CFAP54: variants seen among roughly 807,000 people sequenced by gnomAD.
CFAP54 encodes cilia and flagella associated protein 54.
In CFAP54, 290 loss-of-function variants were observed where a neutral mutation model predicts 370.4. That is an observed-to-expected ratio of 0.78 (90% CI 0.71 to 0.86). The LOEUF (loss-of-function observed/expected upper bound fraction) is 0.86. Among genes scored for constraint, CFAP54 ranks in the 40% least tolerant of loss-of-function variants. CFAP54 has a pLI of 0.00. For missense variants in CFAP54, 3,399 were observed against 3,528.7 expected, an observed-to-expected ratio of 0.96 and a Z score of 0.93; for synonymous variants, 1,206 against 1,236.5, an observed-to-expected ratio of 0.98 and a Z score of 0.52.
intron 3 of CFAP54, among the ~76,000 whole-genome samples, chr12:96,506,305 T>A (rs548201404): frequency 7.0e-6 from 1 of 142,238 alleles, no homozygotes; most frequent in African/African-American, 2.6e-5. Context: ...GCCACTGCAC[T>A]CCAACCTGGG....
At position 96,855,509 on chromosome 12, in the gene CFAP54, C is replaced by T. The variant is rs113879376; in HGVS notation, c.9172-5310C>T. On this transcript the variant is annotated intron_variant, in intron 66 of 67. Coordinates refer to ENST00000524981, the MANE Select transcript of CFAP54 (RefSeq NM_001306084.2). ...GGTACAGACACTGGATAAATACACC[C>T]ATTCCAAATGGGAGAAATTGGCCAA... 9.3e-3 allele frequency among the ~76,000 whole-genome samples: 1,414 copies of T among 152,300 alleles called. 12 individuals are homozygous for T. Among genetic ancestry groups the T allele is most frequent in the Middle Eastern group, 0.02 (6 of 294 alleles).
chr12:96,783,345 A>G (rs1958598088), intron 60 of CFAP54, among the ~76,000 whole-genome samples: 1 of 152,230 alleles, frequency 6.6e-6, no homozygotes, highest in East Asian at 1.9e-4. Context: ...GATTCATCTT[A>G]TTCAAGAAAA....
intron 66 of CFAP54, among the ~76,000 whole-genome samples, chr12:96,836,293 G>T (rs1252948200): frequency 6.6e-6 from 1 of 152,150 alleles, no homozygotes; most frequent in Non-Finnish European, 1.5e-5. Flanking sequence ...GAGTGTGATG[G>T]GTGAGGAAGC....
chr12:96,798,709 T>A (rs1316888628), intron 63 of CFAP54, among the ~76,000 whole-genome samples: 1 of 152,218 alleles, frequency 6.6e-6, no homozygotes, highest in Non-Finnish European at 1.5e-5. Flanking sequence ...TAGAGATAAC[T>A]ATAAACTCCT....
At chr12:96,539,063 G>GTT (rs1565889464) in intron 13 of CFAP54, among the ~76,000 whole-genome samples, 49 of 102,346 alleles carry the variant, frequency 4.8e-4, no homozygotes, top group African/African-American at 1.7e-3. Context: ...GGCCTTTTCA[G>GTT]GTTTTTTTTT....
chr12:96,725,296 T>A (rs574702921), intron 50 of CFAP54, among the ~76,000 whole-genome samples: 14 of 151,856 alleles, frequency 9.2e-5, no homozygotes, highest in African/African-American at 3.4e-4. Flanking sequence ...TATTGATTCT[T>A]CCTACCCATG....
rs1350135927 is a variant in CFAP54 at position 96,706,790 on chromosome 12, G to A, written c.6529-1818G>A. On this transcript the variant is annotated intron_variant, in intron 47 of 67. Transcript: ENST00000524981. ...CAAAGCACTTACATTGTGTGTGTAT[G>A]TGTGTGTGTGTGTGTGTTTGTGTGC... Among the ~76,000 whole-genome samples, 94 of 149,924 alleles carry A rather than the reference G, an allele frequency of 6.3e-4. 1 individual carries two copies. The highest frequency in any genetic ancestry group is 6.3e-3 in the Admixed American group (94 of 15,032).
intron 58 of CFAP54, among the ~76,000 whole-genome samples, chr12:96,761,988 A>G (rs1276677844): frequency 6.6e-6 from 1 of 151,922 alleles, no homozygotes; most frequent in East Asian, 1.9e-4. Context: ...TTCACTATCT[A>G]TTTTAGGATC....
intron 17 of CFAP54, 47 bp downstream of exon 17, chr12:96,554,849 A>G (rs1955735928): frequency 6.7e-7 from 1 of 1,496,176 alleles, no homozygotes. Context: ...ATTTTAAGCC[A>G]GACTCCAGTA....
At chr12:96,807,087 G>A (rs1441973668) in intron 63 of CFAP54, among the ~76,000 whole-genome samples, 5 of 152,130 alleles carry the variant, frequency 3.3e-5, no homozygotes, top group Non-Finnish European at 5.9e-5. Context: ...TCATATAGTA[G>A]GTTCCATTGG....
intron 50 of CFAP54, among the ~76,000 whole-genome samples, chr12:96,729,479 A>C (rs1268194625): frequency 6.6e-6 from 1 of 152,106 alleles, no homozygotes; most frequent in African/African-American, 2.4e-5. Flanking sequence ...TGGGCGTAGG[A>C]CCCTCCGAGC....
At position 96,671,425 on chromosome 12, in the gene CFAP54, C is replaced by T. The variant is rs556018788; in HGVS notation, c.5563+7493C>T. On this transcript the variant is annotated intron_variant, in intron 39 of 67. Coordinates refer to ENST00000524981, the MANE Select transcript of CFAP54 (RefSeq NM_001306084.2). ...TGTGTTTATTGATAACTAATCTGTT[C>T]CTCCTGATAAAACGTAAGCTTTATG... Among the ~76,000 whole-genome samples, 175 of 152,196 alleles carry T rather than the reference C, an allele frequency of 1.1e-3. 2 individuals are homozygous for T. Among genetic ancestry groups the T allele is most frequent in the African/African-American group, 3.9e-3 (163 of 41,514 alleles).
At chr12:96,672,689 T>C (rs1392029069) in intron 39 of CFAP54, among the ~76,000 whole-genome samples, 1 of 152,218 alleles carries the variant, frequency 6.6e-6, no homozygotes, top group Non-Finnish European at 1.5e-5. Flanking sequence ...GGGTGTGTTC[T>C]TTTATTGAGC....
chr12:96,495,491 T>TTG (rs1954941808), intron 1 of CFAP54, among the ~76,000 whole-genome samples: 1 of 151,178 alleles, frequency 6.6e-6, no homozygotes, highest in African/African-American at 2.4e-5. Flanking sequence ...ATTTTTGTTT[T>TTG]TTTTTTTTTA....
At chr12:96,705,271 A>G (rs1957535637) in intron 47 of CFAP54, among the ~76,000 whole-genome samples, 1 of 152,096 alleles carries the variant, frequency 6.6e-6, no homozygotes, top group Non-Finnish European at 1.5e-5. Flanking sequence ...TAATTTTGAG[A>G]GATATTTTCT....
Position 96,497,700 on chromosome 12 carries a change from GCCTTCAAGATAATTATA to G in CFAP54, c.318-3133_318-3117del, listed in dbSNP as rs1329815367. The stretch of plus-strand genomic sequence containing the variant: ...TGTCCCAGTACCCATAACAATATAC[GCCTTCAAGATAATTATA>G]GCTATGCCTTGATGTACTGCACATG... On this transcript the variant is annotated intron_variant, in intron 1 of 67. Transcript: ENST00000524981. Among the ~76,000 whole-genome samples, 8 of 152,222 alleles carry G rather than the reference GCCTTCAAGATAATTATA, an allele frequency of 5.3e-5. No individual in the cohort carries two copies. In the East Asian group the frequency reaches 1.5e-3, roughly 29 times the overall value.
At chr12:96,552,571 C>T (rs973512617) in intron 15 of CFAP54, among the ~76,000 whole-genome samples, 4 of 152,150 alleles carry the variant, frequency 2.6e-5, no homozygotes, top group Non-Finnish European at 5.9e-5. Context: ...TCTTGAACTC[C>T]TGACCTCAGG....
At chr12:96,571,933 G>T (rs1955922407) in intron 19 of CFAP54, among the ~76,000 whole-genome samples, 1 of 152,126 alleles carries the variant, frequency 6.6e-6, no homozygotes, top group African/African-American at 2.4e-5. Context: ...CAAGGGCTTT[G>T]TTATAAACTT....
At chr12:96,791,857 T>C (rs953020220) in intron 62 of CFAP54, among the ~76,000 whole-genome samples, 1 of 151,212 alleles carries the variant, frequency 6.6e-6, no homozygotes. Context: ...TTTTCTTTTT[T>C]TTTTTTTTTT....
Sources: gnomAD v4.1 joint callset for allele counts (sites outside exome capture counted in the v4.1 genomes callset) on GRCh38, gnomAD v4.1.1 for gene constraint, MANE v1.5 for transcripts, NCBI Gene and HGNC (gene_info 2026-07-23, HGNC 2026-07-21) for gene names.